The following PCDHA12 variants were observed in gnomAD, a reference collection of about 807,000 sequenced individuals.
PCDHA12 encodes protocadherin alpha 12.
In PCDHA12, 44 loss-of-function variants were observed where a neutral mutation model predicts 60.0. The ratio of observed to expected loss-of-function variants is 0.73; its 90% CI spans 0.58 to 0.94. The LOEUF (loss-of-function observed/expected upper bound fraction) is 0.94. PCDHA12 is among the 40% of genes least tolerant of loss of function. The pLI is 0.00. For synonymous variants in PCDHA12, 569 were observed against 553.0 expected (o/e 1.03, Z -0.40); for missense variants, 1,276 against 1,239.7 (o/e 1.03, Z -0.44).
chr5:140,896,465 C>T (rs967658819), intron 1 of PCDHA12, among the ~76,000 whole-genome samples: 8 of 151,988 alleles, frequency 5.3e-5, no homozygotes, highest in South Asian at 4.1e-4. Context: ...TGGGTTCAAG[C>T]GGTTCTCCTG....
At chr5:140,959,697 CTTTGAAAGGGA>C (rs2095506406) in intron 1 of PCDHA12, among the ~76,000 whole-genome samples, 1 of 152,008 alleles carries the variant, frequency 6.6e-6, no homozygotes, top group Non-Finnish European at 1.5e-5. Flanking sequence ...ATAAAATGAG[CTTTGAAAGGGA>C]AAATTTTTAG....
intron 1 of PCDHA12, among the ~76,000 whole-genome samples, chr5:140,903,033 G>A (rs2069954043): frequency 6.6e-6 from 1 of 152,180 alleles, no homozygotes; most frequent in African/African-American, 2.4e-5. Context: ...GCTTGCACAT[G>A]TGTCTTTTTC....
chr5:140,953,809 G>A (rs1244835717), intron 1 of PCDHA12, among the ~76,000 whole-genome samples: 2 of 152,168 alleles, frequency 1.3e-5, no homozygotes, highest in East Asian at 1.9e-4. Context: ...GTTCTGAGGT[G>A]CATGTGCTAG....
At chr5:141,001,953 G>C (rs55743067) in intron 3 of PCDHA12, among the ~76,000 whole-genome samples, 27 of 152,290 alleles carry the variant, frequency 1.8e-4, no homozygotes, top group Non-Finnish European at 3.5e-4. Context: ...AAGGAGGAGG[G>C]AGAGGCGGGG....
At chr5:140,915,096 C>T (rs530875134) in intron 1 of PCDHA12, among the ~76,000 whole-genome samples, 1 of 152,060 alleles carries the variant, frequency 6.6e-6, no homozygotes, top group Admixed American at 6.5e-5. Context: ...TGGGCACGCA[C>T]CACCACAACA....
chr5:140,973,782 C>T lies in PCDHA12; in HGVS notation c.2368-5167C>T, dbSNP rs533593200. ...CACAGCCTGGCATATTATAGGTTGCCTATTGGCATGCTGTCTACTTGACAG... is the reference window on the plus strand; with the variant it reads ...CACAGCCTGGCATATTATAGGTTGCTTATTGGCATGCTGTCTACTTGACAG... On this transcript the variant is annotated intron_variant, in intron 1 of 3. Transcript: ENST00000398631. 1.5e-3 allele frequency among the ~76,000 whole-genome samples: 225 copies of T among 152,326 alleles called. 1 individual carries two copies. Among genetic ancestry groups the T allele is most frequent in the African/African-American group, 5.2e-3 (216 of 41,582 alleles).
chr5:140,971,202 C>T (rs1486022070), intron 1 of PCDHA12, among the ~76,000 whole-genome samples: 1 of 152,156 alleles, frequency 6.6e-6, no homozygotes, highest in Non-Finnish European at 1.5e-5. Context: ...AGGAAAGACA[C>T]TGTTACCCTC....
intron 1 of PCDHA12, among the ~76,000 whole-genome samples, chr5:140,905,993 TG>T (rs1314051308): frequency 6.6e-6 from 1 of 152,176 alleles, no homozygotes; most frequent in African/African-American, 2.4e-5. Flanking sequence ...AGATGTAGGC[TG>T]GGAGGCTAAG....
chr5:141,003,308 A>C (rs2098118679), intron 3 of PCDHA12, among the ~76,000 whole-genome samples: 1 of 152,200 alleles, frequency 6.6e-6, no homozygotes, highest in Non-Finnish European at 1.5e-5. Context: ...TGAAGTGGCC[A>C]GCTACTTCCA....
intron 3 of PCDHA12, among the ~76,000 whole-genome samples, chr5:140,993,762 A>G (rs1019928055): frequency 2.6e-5 from 4 of 152,204 alleles, no homozygotes; most frequent in Non-Finnish European, 4.4e-5. Flanking sequence ...TTATATTACA[A>G]TTGCGCAGTA....
intron 1 of PCDHA12, among the ~76,000 whole-genome samples, chr5:140,924,936 TAAAAA>T (rs2082205335): frequency 8.1e-6 from 1 of 123,442 alleles, no homozygotes; most frequent in East Asian, 2.8e-4. Context: ...TAAAATAAAA[TAAAAA>T]GTTAAAAAAA....
intron 1 of PCDHA12, among the ~76,000 whole-genome samples, chr5:140,893,884 G>T (rs189719076): frequency 6.6e-6 from 1 of 152,296 alleles, no homozygotes; most frequent in Non-Finnish European, 1.5e-5. Flanking sequence ...AAAGTGGCCA[G>T]AAAGTTACTT....
At chr5:141,001,265 T>C (rs71583613) in intron 3 of PCDHA12, among the ~76,000 whole-genome samples, 24 of 152,168 alleles carry the variant, frequency 1.6e-4, no homozygotes, top group Admixed American at 7.2e-4. Flanking sequence ...GGCACTCTTA[T>C]GAACTTTTTT....
chr5:140,957,257 T>C (rs2095345219), intron 1 of PCDHA12, among the ~76,000 whole-genome samples: 1 of 152,184 alleles, frequency 6.6e-6, no homozygotes, highest in Admixed American at 6.5e-5. Context: ...AATTTAAATA[T>C]GTAAGCACTA....
At chr5:140,889,159 A>G (rs1392016642) in intron 1 of PCDHA12, among the ~76,000 whole-genome samples, 1 of 151,652 alleles carries the variant, frequency 6.6e-6, no homozygotes, top group Non-Finnish European at 1.5e-5. Context: ...CTTCTTTGTT[A>G]AGTATTCAAG....
chr5:141,000,383 CTCTCTCTCTCTCTA>C (rs1438422699), intron 3 of PCDHA12, among the ~76,000 whole-genome samples: 4 of 63,178 alleles, frequency 6.3e-5, no homozygotes, highest in African/African-American at 2.9e-4. Context: ...CTCTCTCTCT[CTCTCTCTCTCTCTA>C]TATATATATA....
In PCDHA12 at chr5:140,944,181, G is replaced by A. The variant is rs112665762; in HGVS notation, c.2368-34768G>A. 4.3e-3 allele frequency among the ~76,000 whole-genome samples: 661 copies of A among 151,992 alleles called. 7 individuals are homozygous for A. Among genetic ancestry groups the A allele is most frequent in the African/African-American group, 0.015 (616 of 41,488 alleles). On this transcript the variant is annotated intron_variant, in intron 1 of 3. Coordinates refer to ENST00000398631, the MANE Select transcript of PCDHA12 (RefSeq NM_018903.4). ...AAAGGGCCAAGGCTGGTTTTTTGTTGGTTTGTTTTGTTTTGTTTTGTTTTT... is the reference window on the plus strand; with the variant it reads ...AAAGGGCCAAGGCTGGTTTTTTGTTAGTTTGTTTTGTTTTGTTTTGTTTTT...
chr5:140,986,247 G>A (rs758689038), intron 3 of PCDHA12, among the ~76,000 whole-genome samples: 1 of 152,012 alleles, frequency 6.6e-6, no homozygotes, highest in Non-Finnish European at 1.5e-5. Context: ...GAGCAGACCC[G>A]GACCACAGGC....
intron 1 of PCDHA12, among the ~76,000 whole-genome samples, chr5:140,897,463 T>C (rs573452029): frequency 6.6e-6 from 1 of 151,924 alleles, no homozygotes; most frequent in African/African-American, 2.4e-5. Flanking sequence ...CTTGCGATAG[T>C]TTACTGAGAA....
Sources: allele counts gnomAD v4.1 joint callset (sites outside exome capture counted in the v4.1 genomes callset), GRCh38; gene constraint gnomAD v4.1.1; transcripts MANE v1.5; gene names NCBI Gene and HGNC (gene_info 2026-07-23, HGNC 2026-07-21).